The following NOS1AP variants were observed in gnomAD, a reference collection of about 807,000 sequenced individuals.
NOS1AP encodes the protein nitric oxide synthase 1 adaptor protein.
A neutral mutation model predicts 56.2 loss-of-function variants in NOS1AP; 21 were observed. The observed-to-expected ratio is 0.37, with a 90% CI of 0.26 to 0.54. NOS1AP has a LOEUF of 0.54. NOS1AP is among the 20% of genes least tolerant of loss of function. The pLI, the probability that NOS1AP is intolerant of heterozygous loss-of-function variation, is 0.84. For synonymous variants in NOS1AP, 270 were observed against 274.6 expected (o/e 0.98, Z 0.17); for missense variants, 522 against 657.8 (o/e 0.79, Z 2.26).
At chr1:162,133,448 G>T (rs1277504342) in intron 1 of NOS1AP, among the ~76,000 whole-genome samples, 1 of 152,170 alleles carries the variant, frequency 6.6e-6, no homozygotes, top group African/African-American at 2.4e-5. Flanking sequence ...AAAAGTCTAT[G>T]AATGAAATCA....
chr1:162,341,027 C>T (rs943716983), intron 5 of NOS1AP, among the ~76,000 whole-genome samples: 1 of 152,148 alleles, frequency 6.6e-6, no homozygotes, highest in African/African-American at 2.4e-5. Flanking sequence ...TCTTGTGATG[C>T]CTGAGAAATA....
At chr1:162,274,034 A>G (rs1489122681) in intron 2 of NOS1AP, among the ~76,000 whole-genome samples, 1 of 152,236 alleles carries the variant, frequency 6.6e-6, no homozygotes, top group East Asian at 1.9e-4. Context: ...ATTCATGTAC[A>G]GGTCTTTGTG....
chr1:162,209,485 C>T (rs1652271243), intron 2 of NOS1AP, among the ~76,000 whole-genome samples: 1 of 152,086 alleles, frequency 6.6e-6, no homozygotes, highest in Admixed American at 6.6e-5. Context: ...CAAATATAAC[C>T]TTGGGTGTTC....
intron 5 of NOS1AP, among the ~76,000 whole-genome samples, chr1:162,335,575 G>A (rs940893068): frequency 6.6e-6 from 1 of 152,166 alleles, no homozygotes; most frequent in African/African-American, 2.4e-5. Context: ...GGTGGGCGGG[G>A]GGAAAGGACT....
intron 4 of NOS1AP, among the ~76,000 whole-genome samples, chr1:162,326,360 A>G (rs558105653): frequency 6.6e-6 from 1 of 152,244 alleles, no homozygotes; most frequent in African/African-American, 2.4e-5. Flanking sequence ...CCCCATGGAG[A>G]TGAGGGGCAT....
At chr1:162,134,963 C>G (rs963856548) in intron 1 of NOS1AP, among the ~76,000 whole-genome samples, 28 of 152,192 alleles carry the variant, frequency 1.8e-4, no homozygotes, top group African/African-American at 6.5e-4. Context: ...TGCCTCAACT[C>G]TCCATTTCTA....
chr1:162,367,380 G>A lies in NOS1AP; in HGVS notation c.1434G>A (p.Ser478=), dbSNP rs115433966. The change falls in exon 10 of 10, where the codon TCG becomes TCA. Residue 478 remains serine (S), a synonymous_variant. Transcript: ENST00000361897. This position sits in a 1 kb window ranked among gnomAD's most constrained non-coding sequence, Gnocchi z 6.5. ...CGGACGAGAGCGAGGAGCGCGACTC[G>A]TGGTCCCAGGAGGAGCTGCCGCGCC... The part of the protein sequence containing the change: ...SNTDESEERD[S]WSQEELPRLL... The A allele has an allele frequency of 3.7e-6, 6 of 1,608,236 alleles. No individual in the cohort carries two copies. The highest frequency in any genetic ancestry group is 1.7e-5 in the Admixed American group (1 of 59,544).
intron 2 of NOS1AP, among the ~76,000 whole-genome samples, chr1:162,182,251 A>T (rs1651287872): frequency 6.6e-6 from 1 of 152,210 alleles, no homozygotes; most frequent in South Asian, 2.1e-4. Flanking sequence ...ACATAATGTC[A>T]TTGAACCTTA....
chr1:162,099,777 C>T (rs909993299), intron 1 of NOS1AP, among the ~76,000 whole-genome samples: 3 of 152,014 alleles, frequency 2.0e-5, no homozygotes, highest in African/African-American at 7.2e-5. Flanking sequence ...TGCTATCCCT[C>T]CCCACTCCCC....
chr1:162,328,589 C>T (rs1032134298), intron 4 of NOS1AP, among the ~76,000 whole-genome samples: 1 of 152,276 alleles, frequency 6.6e-6, no homozygotes, highest in Admixed American at 6.5e-5. Flanking sequence ...GAGTGAGGTA[C>T]AGCACAATGA....
At chr1:162,104,696 G>T (rs925019603) in intron 1 of NOS1AP, among the ~76,000 whole-genome samples, 1 of 151,878 alleles carries the variant, frequency 6.6e-6, no homozygotes, top group Non-Finnish European at 1.5e-5. Context: ...GGTCTATTCT[G>T]CTACTGATAC....
At chr1:162,253,900 T>A (rs1421319373) in intron 2 of NOS1AP, among the ~76,000 whole-genome samples, 2 of 152,186 alleles carry the variant, frequency 1.3e-5, no homozygotes, top group Admixed American at 6.6e-5. Flanking sequence ...AGCAGGCGTA[T>A]CCTATGACAA....
At position 162,367,155 on chromosome 1, in the gene NOS1AP, G is replaced by T. The variant is rs775307938; in HGVS notation, c.1209G>T (p.Pro403=). 53 of 1,613,648 alleles carry T rather than the reference G, an allele frequency of 3.3e-5. No individual in the cohort carries two copies. The Admixed American group carries it at 8.8e-4, about 27-fold the overall frequency. The change falls in exon 10 of 10, where the codon CCG becomes CCT. Residue 403 remains proline (P), a synonymous_variant. Coordinates refer to ENST00000361897, the MANE Select transcript of NOS1AP (RefSeq NM_014697.3). This position sits in a 1 kb window ranked among gnomAD's most constrained non-coding sequence, Gnocchi z 6.5. Reference sequence around the variant, plus strand: ...AGCCAGAGGACCTGCATTCGCCGCCGCTGGGCGCGGGCTTGGCTGACTTTG... The same window carrying T: ...AGCCAGAGGACCTGCATTCGCCGCCTCTGGGCGCGGGCTTGGCTGACTTTG... ...TPKPEDLHSP[P]LGAGLADFAH...
intron 4 of NOS1AP, among the ~76,000 whole-genome samples, chr1:162,310,455 T>C (rs1349960133): frequency 1.3e-5 from 2 of 152,232 alleles, no homozygotes; most frequent in Admixed American, 6.5e-5. Flanking sequence ...CTTTCTAACT[T>C]CTCATATCAT....
intron 2 of NOS1AP, among the ~76,000 whole-genome samples, chr1:162,199,644 GTGTGTA>G (rs781166704): frequency 0.013 from 1,820 of 137,084 alleles, 40 homozygotes; most frequent in African/African-American, 0.03. Flanking sequence ...GTGTGTGTCT[GTGTGTA>G]AATTCTTGCA....
chr1:162,265,276 G>T (rs1654384653), intron 2 of NOS1AP, among the ~76,000 whole-genome samples: 1 of 147,664 alleles, frequency 6.8e-6, no homozygotes, highest in Admixed American at 6.8e-5. Context: ...TGTGCACAAT[G>T]TGCAGGTTAG....
chr1:162,354,109 ACTT>A (rs1301476396), intron 6 of NOS1AP, among the ~76,000 whole-genome samples: 2 of 152,124 alleles, frequency 1.3e-5, no homozygotes, highest in Non-Finnish European at 2.9e-5. Flanking sequence ...GCATAGGAAA[ACTT>A]CTTAGAACAA....
chr1:162,123,104 T>C (rs1310991525), intron 1 of NOS1AP, among the ~76,000 whole-genome samples: 3 of 152,234 alleles, frequency 2.0e-5, no homozygotes, highest in African/African-American at 7.2e-5. Context: ...CAATTTGAGA[T>C]AATAGTAGAT....
chr1:162,180,424 T>TA (rs1651215612), intron 2 of NOS1AP, among the ~76,000 whole-genome samples: 1 of 152,104 alleles, frequency 6.6e-6, no homozygotes, highest in African/African-American at 2.4e-5. Context: ...TTTTGTATTT[T>TA]TAGTAGAGGC....
Sources: allele counts gnomAD v4.1 joint callset (sites outside exome capture counted in the v4.1 genomes callset), GRCh38; gene constraint gnomAD v4.1.1; non-coding constraint Gnocchi (gnomAD v3.1); transcripts MANE v1.5; gene names NCBI Gene and HGNC (gene_info 2026-07-23, HGNC 2026-07-21).